PRSS23: variants seen among roughly 807,000 people sequenced by gnomAD.
PRSS23 encodes serine protease 23.
In PRSS23, 25 loss-of-function variants were observed where a neutral mutation model predicts 34.7. The observed-to-expected ratio is 0.72, with a 90% CI of 0.53 to 1.01. The LOEUF is 1.01. Ranked by LOEUF, PRSS23 falls within the 50% of genes least tolerant of loss-of-function variation. The pLI, the probability that PRSS23 is intolerant of heterozygous loss-of-function variation, is 0.00. For missense variants in PRSS23, 445 were observed against 475.6 expected, an observed-to-expected ratio of 0.94 and a Z score of 0.60; for synonymous variants, 176 against 186.6, an observed-to-expected ratio of 0.94 and a Z score of 0.46.
chr11:86,817,259 A>G (rs540222053), intron 1 of PRSS23, among the ~76,000 whole-genome samples: 5 of 152,090 alleles, frequency 3.3e-5, no homozygotes, highest in Middle Eastern at 3.4e-3. Context: ...ATAACTTTTT[A>G]TATGGTGTTC....
chr11:86,935,324 T>C (rs1459592128), intron 2 of PRSS23: 1 of 152,262 alleles, frequency 6.6e-6, no homozygotes, highest in Non-Finnish European at 1.5e-5. Flanking sequence ...TTTTAAAGTA[T>C]AGACACAGTA....
In PRSS23 at chr11:86,810,795, A is replaced by G. The variant is rs924164372; in HGVS notation, c.*2000A>G. ...CTAAAGAATGATACACCCATATGCTATATACAGCTTAACTCACAGAACTGT... is the reference window on the plus strand; with the variant it reads ...CTAAAGAATGATACACCCATATGCTGTATACAGCTTAACTCACAGAACTGT... On this transcript the variant is annotated 3_prime_UTR_variant, in exon 2 of 2. Transcript: ENST00000280258. 3.6e-5 allele frequency: 6 copies of G among 167,056 alleles called. No individual in the cohort carries two copies. The highest frequency in any genetic ancestry group is 1.4e-4 in the African/African-American group (6 of 41,464). The allele number at this position is 167,056 out of a possible 1,614,324, so 10.3% of individuals were successfully genotyped here. A position where few individuals can be genotyped will look rare whatever the true frequency, so the allele number is the denominator to read the frequency against.
chr11:86,859,148 A>G lies in PRSS23; in HGVS notation c.206+35555A>G, dbSNP rs559472693. Among the ~76,000 whole-genome samples, 10 of 151,954 alleles carry G rather than the reference A, an allele frequency of 6.6e-5. No individual in the cohort carries two copies. The South Asian group carries it at 1.5e-3, about 22-fold the overall frequency. On this transcript the variant is annotated intron_variant, in intron 2 of 2. Coordinates refer to the PRSS23 transcript ENST00000533902. ...GGGGAAGAGGATGATATTGCTCCCT[A>G]TATCAGGGGAAGTGACACCCCCCTG... is the stretch of plus-strand genomic sequence containing the variant.
chr11:86,822,947 G>A (rs562629852), intron 1 of PRSS23, among the ~76,000 whole-genome samples: 2 of 152,272 alleles, frequency 1.3e-5, no homozygotes, highest in Non-Finnish European at 2.9e-5. Flanking sequence ...GCTACAACTC[G>A]GGGGTGAGTG....
chr11:86,837,320 A>T (rs1357601762), intron 2 of PRSS23: 2 of 152,372 alleles, frequency 1.3e-5, no homozygotes, highest in Non-Finnish European at 2.9e-5. Context: ...ATTATAGTTG[A>T]TAGTTCATAA....
At chr11:86,798,711 T>C (rs1011188576), upstream of PRSS23, among the ~76,000 whole-genome samples, 3 of 152,238 alleles carry the variant, frequency 2.0e-5, no homozygotes, top group Admixed American at 6.5e-5. Flanking sequence ...TGTGTGTGTT[T>C]TGAGACAGGG....
chr11:86,905,629 G>A (rs1288799480), intron 2 of PRSS23, among the ~76,000 whole-genome samples: 1 of 152,204 alleles, frequency 6.6e-6, no homozygotes, highest in Non-Finnish European at 1.5e-5. Flanking sequence ...GTCTCACAAT[G>A]TCTGCCTCCC....
intron 2 of PRSS23, among the ~76,000 whole-genome samples, chr11:86,855,704 C>A (rs2134925107): frequency 6.6e-6 from 1 of 152,328 alleles, no homozygotes; most frequent in East Asian, 1.9e-4. Flanking sequence ...CCATGTTGGC[C>A]AGTCTGATCT....
At chr11:86,843,330 C>A (rs1948462186) in intron 2 of PRSS23, among the ~76,000 whole-genome samples, 1 of 152,082 alleles carries the variant, frequency 6.6e-6, no homozygotes, top group African/African-American at 2.4e-5. Flanking sequence ...AGAAGACAAC[C>A]TAGGCAATAT....
At chr11:86,796,839 G>A (rs1255003486), upstream of PRSS23, among the ~76,000 whole-genome samples, 1 of 152,094 alleles carries the variant, frequency 6.6e-6, no homozygotes, top group African/African-American at 2.4e-5. Context: ...AACACAGTGA[G>A]GTAATGTCCA....
At chr11:86,821,236 AT>A in intron 1 of PRSS23, 1 of 546,734 alleles carries the variant, frequency 1.8e-6, no homozygotes. Flanking sequence ...ATTTCATCTA[AT>A]TCATCACAAA....
intron 1 of PRSS23, among the ~76,000 whole-genome samples, chr11:86,791,476 A>T (rs1462501514): frequency 6.6e-6 from 1 of 152,050 alleles, no homozygotes; most frequent in Non-Finnish European, 1.5e-5. Flanking sequence ...CTCCTGCTGA[A>T]CCCCTGGGCC....
chr11:86,934,792 T>G (rs1330351153), intron 2 of PRSS23: 1 of 152,226 alleles, frequency 6.6e-6, no homozygotes, highest in Non-Finnish European at 1.5e-5. Flanking sequence ...GACATCAGCA[T>G]CACAGCAGAT....
chr11:86,818,445 T>C (rs1948228472), intron 1 of PRSS23, among the ~76,000 whole-genome samples: 2 of 152,234 alleles, frequency 1.3e-5, no homozygotes, highest in Admixed American at 1.3e-4. Context: ...TCAATTTGTA[T>C]TTAGTAAGTG....
intron 1 of PRSS23, chr11:86,823,302 A>T: frequency 1.5e-6 from 1 of 681,758 alleles, no homozygotes; most frequent in Non-Finnish European, 2.7e-6. Flanking sequence ...ACGGTCCGAG[A>T]TGTAGAATAG....
chr11:86,869,734 C>T (rs1413887646), intron 2 of PRSS23, among the ~76,000 whole-genome samples: 1 of 152,160 alleles, frequency 6.6e-6, no homozygotes, highest in Non-Finnish European at 1.5e-5. Context: ...CTGCAATTGT[C>T]CCACCAGGAG....
intron 1 of PRSS23, among the ~76,000 whole-genome samples, chr11:86,819,476 C>G (rs1185137866): frequency 6.6e-6 from 1 of 152,042 alleles, no homozygotes; most frequent in Non-Finnish European, 1.5e-5. Flanking sequence ...TTAAAAATTA[C>G]CATTCCCATT....
chr11:86,921,487 AAGTTC>A (rs1949047030), intron 2 of PRSS23: 1 of 152,234 alleles, frequency 6.6e-6, no homozygotes, highest in Non-Finnish European at 1.5e-5. Flanking sequence ...AATCCAGTTC[AAGTTC>A]AGCCAGGCAA....
At chr11:86,869,555 C>T (rs1463737986) in intron 2 of PRSS23, among the ~76,000 whole-genome samples, 6 of 152,036 alleles carry the variant, frequency 3.9e-5, no homozygotes, top group Admixed American at 1.3e-4. Context: ...AGGGCACCAA[C>T]GAGAAAGGGC....
Sources: allele counts gnomAD v4.1 joint callset (sites outside exome capture counted in the v4.1 genomes callset), GRCh38; gene constraint gnomAD v4.1.1; transcripts MANE v1.5; gene names NCBI Gene and HGNC (gene_info 2026-07-23, HGNC 2026-07-21).